The following CDH2 variants were observed in gnomAD, a reference collection of about 807,000 sequenced individuals.
The protein encoded by CDH2 is cadherin 2.
In CDH2, 17 loss-of-function variants were observed where a neutral mutation model predicts 92.0. The observed-to-expected ratio is 0.18, with a 90% confidence interval of 0.13 to 0.28. The LOEUF is 0.28. Among genes scored for constraint, CDH2 ranks in the 10% least tolerant of loss-of-function variants. The pLI, the probability that CDH2 is intolerant of heterozygous loss-of-function variation, is 1.00. For synonymous variants in CDH2, 419 were observed against 415.9 expected (o/e 1.01, Z -0.09); for missense variants, 862 against 1,133.1 (o/e 0.76, Z 3.44).
intron 2 of CDH2, among the ~76,000 whole-genome samples, chr18:28,134,135 CAAAAAAA>C (rs34083301): frequency 1.1e-5 from 1 of 91,606 alleles, no homozygotes; most frequent in African/African-American, 4.3e-5. Context: ...ACTAAATTTA[CAAAAAAA>C]AAAAAAAAAA....
At chr18:28,117,846 A>G (rs1052198900) in intron 2 of CDH2, among the ~76,000 whole-genome samples, 3 of 152,044 alleles carry the variant, frequency 2.0e-5, no homozygotes, top group Admixed American at 6.6e-5. Context: ...GCCAAACCCC[A>G]ATCCCAAGTT....
At chr18:27,988,712 A>AAAAAC (rs769105532) in intron 10 of CDH2, 46 bp from the exon 11 acceptor site, 2 of 1,435,908 alleles carry the variant, frequency 1.4e-6, no homozygotes, top group Non-Finnish European at 1.9e-6. Context: ...GAAACTTTAA[A>AAAAAC]AAAACATATT....
chr18:28,131,143 T>C (rs62103113), intron 2 of CDH2, among the ~76,000 whole-genome samples: 3,158 of 152,266 alleles, frequency 0.021, 48 homozygotes, highest in Non-Finnish European at 0.029. Flanking sequence ...ACAAAAAAGA[T>C]ATTTTAAGTT....
chr18:27,977,550 T>C (rs1351922590), intron 14 of CDH2, among the ~76,000 whole-genome samples: 1 of 152,194 alleles, frequency 6.6e-6, no homozygotes, highest in Non-Finnish European at 1.5e-5. Context: ...GCTGCTGGTA[T>C]GGATACTTTG....
At chr18:27,969,057 C>T (rs1376959400) in intron 14 of CDH2, among the ~76,000 whole-genome samples, 2 of 152,168 alleles carry the variant, frequency 1.3e-5, no homozygotes, top group Non-Finnish European at 2.9e-5. Context: ...AATTACATTA[C>T]GACCTGATTT....
intron 1 of CDH2, among the ~76,000 whole-genome samples, chr18:28,150,191 A>C (rs1243361664): frequency 6.6e-6 from 1 of 152,216 alleles, no homozygotes; most frequent in Non-Finnish European, 1.5e-5. Context: ...AAGAGCAGTG[A>C]AGCATGGCAG....
intron 2 of CDH2, among the ~76,000 whole-genome samples, chr18:28,054,590 TAAACA>T (rs2014256116): frequency 6.6e-6 from 1 of 152,178 alleles, no homozygotes; most frequent in Admixed American, 6.5e-5. Context: ...GCCTTTATTG[TAAACA>T]GCCAGGCCAT....
Position 27,985,158 on chromosome 18 carries a change from T to C in CDH2, c.2051A>G (p.Asp684Gly). Residue 684 changes from aspartate (D) to glycine (G), a missense_variant, in exon 13 of 16, where the codon GAT becomes GGT. Asp to Gly is a moderately conservative substitution (Grantham distance 94, BLOSUM62 -1). Transcript: ENST00000269141. ...GIYEVPIIITDSGNPPKSNIS... is the reference protein window; with the variant it reads ...GIYEVPIIITGSGNPPKSNIS... The stretch of plus-strand genomic sequence containing the variant: ...ATTTGATTTGGGAGGATTACCCGAA[T>C]CTGTGATTATGATGGGAACTTCATA... 6.2e-7 allele frequency: 1 copy of C among 1,613,916 alleles called. No individual in the cohort carries two copies. The highest frequency in any genetic ancestry group is 8.5e-7 in the Non-Finnish European group (1 of 1,179,828).
In CDH2 at chr18:27,961,272, T is replaced by C. The variant is rs17497918; in HGVS notation, c.2514+2085A>G. Among the ~76,000 whole-genome samples the C allele has an allele frequency of 3.7e-4, 56 of 151,298 alleles. No homozygotes were observed. The East Asian group carries it at 4.1e-3, about 11-fold the overall frequency. The stretch of plus-strand genomic sequence containing the variant: ...AAAATCTAAGAGCTAGGTAACATAC[T>C]AGATGTTTAAGTTATAAAAACATGA... On this transcript the variant is annotated intron_variant, in intron 15 of 15. Transcript: ENST00000269141.
At chr18:27,938,959 T>C (rs1432155492) in intron 6 of CDH2, among the ~76,000 whole-genome samples, 1 of 152,224 alleles carries the variant, frequency 6.6e-6, no homozygotes. Flanking sequence ...GAAAGAATGC[T>C]ATCACATTTT....
chr18:28,091,448 C>T (rs1385787773), intron 2 of CDH2, among the ~76,000 whole-genome samples: 1 of 152,116 alleles, frequency 6.6e-6, no homozygotes, highest in Admixed American at 6.5e-5. Context: ...TCACAATTCT[C>T]TCTGTATGTT....
intron 2 of CDH2, among the ~76,000 whole-genome samples, chr18:28,058,056 G>A (rs2014329705): frequency 6.6e-6 from 1 of 152,188 alleles, no homozygotes; most frequent in African/African-American, 2.4e-5. Context: ...TCTGCTATCT[G>A]ATGGACCATT....
chr18:28,022,345 TAAG>T (rs928383053), intron 2 of CDH2, among the ~76,000 whole-genome samples: 2 of 152,048 alleles, frequency 1.3e-5, no homozygotes, highest in African/African-American at 4.8e-5. Context: ...ATAATTATGA[TAAG>T]AAAACAAATA....
At chr18:28,077,940 A>G (rs1482542792) in intron 2 of CDH2, among the ~76,000 whole-genome samples, 2 of 151,518 alleles carry the variant, frequency 1.3e-5, no homozygotes, top group African/African-American at 4.8e-5. Flanking sequence ...AAAAGTGAAC[A>G]TCATTAACAT....
intron 2 of CDH2, among the ~76,000 whole-genome samples, chr18:28,040,801 A>G (rs1224126727): frequency 6.6e-6 from 1 of 152,248 alleles, no homozygotes; most frequent in Non-Finnish European, 1.5e-5. Flanking sequence ...TAGTGAGAGC[A>G]CAACAAATAC....
chr18:28,172,674 T>C (rs940420916), intron 1 of CDH2, among the ~76,000 whole-genome samples: 43 of 152,286 alleles, frequency 2.8e-4, no homozygotes, highest in African/African-American at 1.0e-3. Context: ...TAAAAATCTA[T>C]CACATTTTTA....
intron 14 of CDH2, among the ~76,000 whole-genome samples, chr18:27,972,172 A>G (rs2011680309): frequency 6.6e-6 from 1 of 152,074 alleles, no homozygotes; most frequent in Non-Finnish European, 1.5e-5. Context: ...TTTTTTTTTA[A>G]TAACTTGGCT....
chr18:28,042,631 A>G (rs2013970085), intron 2 of CDH2, among the ~76,000 whole-genome samples: 1 of 152,208 alleles, frequency 6.6e-6, no homozygotes, highest in East Asian at 1.9e-4. Context: ...CAGTGAACAA[A>G]AGAGAAACCA....
At chr18:28,026,134 G>A (rs1249803101) in intron 2 of CDH2, among the ~76,000 whole-genome samples, 2 of 152,112 alleles carry the variant, frequency 1.3e-5, no homozygotes, top group African/African-American at 4.8e-5. Flanking sequence ...TGTAGCCCTG[G>A]TCTAGTCTTC....
Sources: allele counts gnomAD v4.1 joint callset (sites outside exome capture counted in the v4.1 genomes callset), GRCh38; gene constraint gnomAD v4.1.1; transcripts MANE v1.5; gene names NCBI Gene and HGNC (gene_info 2026-07-23, HGNC 2026-07-21).